Variants in ALK observed in about 807,000 individuals in gnomAD.
ALK encodes the protein ALK tyrosine kinase receptor.
A neutral mutation model predicts 163.1 loss-of-function variants in ALK; 74 were observed. The ratio of observed to expected loss-of-function variants is 0.45; its 90% CI spans 0.38 to 0.55. ALK has a LOEUF of 0.55. ALK is among the 20% of genes least tolerant of loss of function. The pLI, the probability that ALK is intolerant of heterozygous loss-of-function variation, is 0.00. For missense variants in ALK, 2,063 were observed against 2,105.3 expected, an observed-to-expected ratio of 0.98 and a Z score of 0.39; for synonymous variants, 960 against 843.2, an observed-to-expected ratio of 1.14 and a Z score of -2.40.
At chr2:29,594,871 A>T (rs12989068) in intron 3 of ALK, among the ~76,000 whole-genome samples, 1 of 108,886 alleles carries the variant, frequency 9.2e-6, no homozygotes, top group East Asian at 3.1e-4. Flanking sequence ...TGAAGCTGAG[A>T]CCTCTATTTT....
intron 3 of ALK, among the ~76,000 whole-genome samples, chr2:29,602,044 G>T (rs1210311787): frequency 1.3e-5 from 2 of 152,158 alleles, no homozygotes; most frequent in African/African-American, 4.8e-5. Flanking sequence ...AGGTTAAAAG[G>T]CTAACACCTA....
intron 3 of ALK, among the ~76,000 whole-genome samples, chr2:29,570,709 C>T (rs1318073443): frequency 2.0e-5 from 3 of 152,212 alleles, no homozygotes; most frequent in Non-Finnish European, 4.4e-5. Flanking sequence ...GTTTCGCTCT[C>T]TCGACAGTAA....
At chr2:29,807,538 T>C (rs761498238) in intron 1 of ALK, among the ~76,000 whole-genome samples, 8 of 152,162 alleles carry the variant, frequency 5.3e-5, no homozygotes, top group Non-Finnish European at 1.2e-4. Flanking sequence ...GATGATTTGC[T>C]GAGTGAAAGT....
intron 4 of ALK, among the ~76,000 whole-genome samples, chr2:29,394,988 G>T (rs1381007611): frequency 6.6e-6 from 1 of 152,052 alleles, no homozygotes; most frequent in African/African-American, 2.4e-5. Flanking sequence ...CCAGCTTGAG[G>T]CCTGAGTCTT....
intron 1 of ALK, among the ~76,000 whole-genome samples, chr2:29,818,736 G>C (rs1413619290): frequency 6.6e-6 from 1 of 152,256 alleles, no homozygotes; most frequent in Non-Finnish European, 1.5e-5. Flanking sequence ...TTCTGCAAAG[G>C]GAAATGAGAC....
chr2:29,365,249 GC>G (rs1298665640), intron 5 of ALK, among the ~76,000 whole-genome samples: 2 of 152,220 alleles, frequency 1.3e-5, no homozygotes, highest in African/African-American at 2.4e-5. Context: ...GTCATGAGCA[GC>G]AGGTAATTTA....
intron 3 of ALK, among the ~76,000 whole-genome samples, chr2:29,567,822 T>C (rs142318945): frequency 6.6e-6 from 1 of 152,350 alleles, no homozygotes; most frequent in African/African-American, 2.4e-5. Context: ...TCCTGATTCA[T>C]TCTGCTATAT....
At chr2:29,204,133 A>G (rs1042005356) in intron 26 of ALK, among the ~76,000 whole-genome samples, 1 of 152,218 alleles carries the variant, frequency 6.6e-6, no homozygotes, top group African/African-American at 2.4e-5. Flanking sequence ...TCAAACTTGG[A>G]AGAAACTATG....
At chr2:29,472,905 A>G (rs1329823312) in intron 4 of ALK, among the ~76,000 whole-genome samples, 1 of 152,206 alleles carries the variant, frequency 6.6e-6, no homozygotes, top group African/African-American at 2.4e-5. Context: ...GGACTGGAAG[A>G]CTCACTATAG....
chr2:29,908,806 C>T (rs1667621097), intron 1 of ALK, among the ~76,000 whole-genome samples: 1 of 152,222 alleles, frequency 6.6e-6, no homozygotes, highest in African/African-American at 2.4e-5. Context: ...ACCAGCTGCA[C>T]CATTTGTTTA....
chr2:29,213,407 T>G (rs1013736421), intron 24 of ALK, among the ~76,000 whole-genome samples: 1 of 152,210 alleles, frequency 6.6e-6, no homozygotes, highest in Non-Finnish European at 1.5e-5. Context: ...AAACATTGTG[T>G]CTATGCCAAG....
intron 4 of ALK, among the ~76,000 whole-genome samples, chr2:29,402,782 G>A (rs1324719766): frequency 2.6e-5 from 4 of 152,170 alleles, no homozygotes; most frequent in Non-Finnish European, 2.9e-5. Context: ...TGAGGTCTGG[G>A]CTATGCATCT....
At chr2:29,698,487 C>G (rs2148292878) in intron 2 of ALK, among the ~76,000 whole-genome samples, 1 of 152,324 alleles carries the variant, frequency 6.6e-6, no homozygotes, top group Non-Finnish European at 1.5e-5. Context: ...TTTCCCAAAG[C>G]TTCGACTTCT....
intron 1 of ALK, among the ~76,000 whole-genome samples, chr2:29,917,072 C>A (rs1030365499): frequency 1.3e-5 from 2 of 152,212 alleles, no homozygotes; most frequent in South Asian, 4.1e-4. Flanking sequence ...TCAGACAGCC[C>A]AAATCACAAG....
At chr2:29,458,932 CCTCA>C (rs1671021511) in intron 4 of ALK, among the ~76,000 whole-genome samples, 1 of 152,128 alleles carries the variant, frequency 6.6e-6, no homozygotes, top group Admixed American at 6.5e-5. Flanking sequence ...CCTGCTTTTG[CCTCA>C]CTGAGTGGTT....
At chr2:29,695,082 TC>T in intron 2 of ALK, 68 bp from the exon 3 acceptor site, 2 of 1,578,468 alleles carry the variant, frequency 1.3e-6, no homozygotes, top group Admixed American at 3.4e-5. Flanking sequence ...CCCCCTCCAC[TC>T]CACACTAGGA....
intron 1 of ALK, among the ~76,000 whole-genome samples, chr2:29,823,191 G>A (rs543882469): frequency 1.3e-5 from 2 of 152,218 alleles, no homozygotes; most frequent in South Asian, 4.2e-4. Context: ...GACATGATTT[G>A]CTCCTGCTTG....
At chr2:29,477,059 C>G (rs1326925943) in intron 4 of ALK, among the ~76,000 whole-genome samples, 1 of 152,130 alleles carries the variant, frequency 6.6e-6, no homozygotes, top group East Asian at 1.9e-4. Flanking sequence ...TAGGGACACC[C>G]AGGCTAGAAA....
At chr2:29,248,618 T>C (rs868503633) in intron 12 of ALK, among the ~76,000 whole-genome samples, 30 of 152,184 alleles carry the variant, frequency 2.0e-4, no homozygotes, top group African/African-American at 7.0e-4. Flanking sequence ...CGCCAGACAG[T>C]GCTGGGGCCC....
Sources: allele counts gnomAD v4.1 joint callset (sites outside exome capture counted in the v4.1 genomes callset), GRCh38; gene constraint gnomAD v4.1.1; transcripts MANE v1.5; gene names NCBI Gene and HGNC (gene_info 2026-07-23, HGNC 2026-07-21).